Variants in BCAR3 observed in about 807,000 individuals in gnomAD.
BCAR3 encodes breast cancer anti-estrogen resistance protein 3.
BCAR3 carries 37 observed loss-of-function variants against 80.1 expected under a neutral mutation model. The ratio of observed to expected loss-of-function variants is 0.46; its 90% CI spans 0.36 to 0.61. The LOEUF is 0.61. BCAR3 is among the 20% of genes least tolerant of loss of function. The pLI is 0.00. For missense variants in BCAR3, 978 were observed against 1,068.2 expected (o/e 0.92, Z 1.18); for synonymous variants, 389 against 418.9 (o/e 0.93, Z 0.87).
chr1:93,726,107 C>T (rs1650573316), intron 2 of BCAR3, among the ~76,000 whole-genome samples: 2 of 151,894 alleles, frequency 1.3e-5, no homozygotes, highest in African/African-American at 4.8e-5. Context: ...CACTCAGTTG[C>T]CCACGCTGGA....
At chr1:93,810,417 T>C (rs966068851) in intron 2 of BCAR3, among the ~76,000 whole-genome samples, 5 of 152,320 alleles carry the variant, frequency 3.3e-5, no homozygotes, top group African/African-American at 9.6e-5. Context: ...AACGTGGTTA[T>C]GACTGATGAA....
intron 1 of BCAR3, among the ~76,000 whole-genome samples, chr1:93,680,803 T>C (rs986197243): frequency 3.9e-5 from 6 of 152,204 alleles, no homozygotes; most frequent in African/African-American, 9.6e-5. Context: ...CCTTGCCAGA[T>C]GCTTCGGAGT....
At chr1:93,636,362 C>A (rs774689892) in intron 3 of BCAR3, among the ~76,000 whole-genome samples, 4 of 152,110 alleles carry the variant, frequency 2.6e-5, no homozygotes, top group Non-Finnish European at 4.4e-5. Flanking sequence ...TAACAAGAAC[C>A]CACCAAGGCT....
chr1:93,566,551 G>A (rs370986833), intron 11 of BCAR3, among the ~76,000 whole-genome samples: 4 of 152,072 alleles, frequency 2.6e-5, no homozygotes, highest in South Asian at 2.1e-4. Context: ...ATCCGTTTAC[G>A]CAACACTGCC....
chr1:93,580,535 T>C (rs1424101464), intron 7 of BCAR3, among the ~76,000 whole-genome samples: 1 of 150,504 alleles, frequency 6.6e-6, no homozygotes, highest in Non-Finnish European at 1.5e-5. Flanking sequence ...AAAAGCTGCA[T>C]TGGTATGAAA....
intron 2 of BCAR3, among the ~76,000 whole-genome samples, chr1:93,728,460 C>CA (rs966004866): frequency 6.6e-6 from 1 of 152,232 alleles, no homozygotes; most frequent in Non-Finnish European, 1.5e-5. Context: ...TACCCTGTTG[C>CA]AAGGACAGAG....
Position 93,562,292 on chromosome 1 carries a change from A to G in BCAR3, c.2427T>C (p.Thr809=), listed in dbSNP as rs1262946063. ...GAGGTTCCAATTTACGCGAGAGGGC[A>G]GTTAAAATCTGGTTGAATTTCTCAT... ...ERYEKFNQIL[T]ALSRKLEPPP... Residue 809 remains threonine, a synonymous_variant, in exon 12 of 12, where the codon ACT becomes ACC. Transcript: ENST00000260502. 6.2e-7 allele frequency: 1 copy of G among 1,614,144 alleles called. No homozygotes were observed. The highest frequency in any genetic ancestry group is 8.5e-7 in the Non-Finnish European group (1 of 1,179,990).
At chr1:93,834,450 C>T (rs1227866704) in intron 2 of BCAR3, among the ~76,000 whole-genome samples, 1 of 152,138 alleles carries the variant, frequency 6.6e-6, no homozygotes, top group Non-Finnish European at 1.5e-5. Flanking sequence ...TCCTTAAAAA[C>T]AGCCCTAAAA....
At chr1:93,738,193 A>G (rs1000560213) in intron 2 of BCAR3, among the ~76,000 whole-genome samples, 6 of 152,204 alleles carry the variant, frequency 3.9e-5, no homozygotes, top group Admixed American at 6.5e-5. Context: ...ACCAATAGTA[A>G]GGTGGTGGAA....
At chr1:93,613,690 C>T (rs1675021131) in intron 3 of BCAR3, among the ~76,000 whole-genome samples, 1 of 152,174 alleles carries the variant, frequency 6.6e-6, no homozygotes, top group African/African-American at 2.4e-5. Flanking sequence ...GGGAGGTACA[C>T]CACTAGGGGC....
intron 2 of BCAR3, among the ~76,000 whole-genome samples, chr1:93,671,468 G>A (rs1389482035): frequency 2.0e-5 from 3 of 152,128 alleles, no homozygotes; most frequent in African/African-American, 4.8e-5. Flanking sequence ...GCCAATACCC[G>A]TCAGGCCAAT....
intron 2 of BCAR3, among the ~76,000 whole-genome samples, chr1:93,821,759 T>C (rs1239525886): frequency 6.6e-6 from 1 of 152,212 alleles, no homozygotes; most frequent in Non-Finnish European, 1.5e-5. Context: ...GCATACCTTA[T>C]AATCATCACA....
At chr1:93,587,581 C>T (rs1311586334) in intron 5 of BCAR3, among the ~76,000 whole-genome samples, 8 of 152,038 alleles carry the variant, frequency 5.3e-5, no homozygotes, top group Non-Finnish European at 1.2e-4. Flanking sequence ...TAGCATGTGC[C>T]GGAGCCTCCA....
intron 2 of BCAR3, among the ~76,000 whole-genome samples, chr1:93,724,302 G>T (rs1650505567): frequency 1.3e-5 from 2 of 152,202 alleles, no homozygotes. Flanking sequence ...CAGTCCCATT[G>T]TGAATGGACT....
intron 5 of BCAR3, among the ~76,000 whole-genome samples, chr1:93,584,664 C>G (rs236318): frequency 0.78 from 119,421 of 152,246 alleles, 47,445 homozygotes; most frequent in African/African-American, 0.91. Flanking sequence ...TGGCTGCTCT[C>G]GGGGGACCCC....
intron 3 of BCAR3, chr1:93,614,004 C>T (rs1382788916): frequency 1.3e-6 from 2 of 1,535,394 alleles, no homozygotes; most frequent in Non-Finnish European, 1.8e-6. Context: ...ACGTTAAAGC[C>T]CTAGCCCACC....
chr1:93,696,366 C>G (rs1355770277), intron 3 of BCAR3, among the ~76,000 whole-genome samples: 4 of 152,150 alleles, frequency 2.6e-5, no homozygotes, highest in Non-Finnish European at 5.9e-5. Flanking sequence ...CCCTGGGAAC[C>G]ACCCTGGGTC....
chr1:93,575,228 A>G (rs1208040325), intron 8 of BCAR3, among the ~76,000 whole-genome samples: 1 of 152,222 alleles, frequency 6.6e-6, no homozygotes, highest in East Asian at 1.9e-4. Context: ...CTGGAACTTC[A>G]TGGAAAGCCA....
At chr1:93,598,235 C>A (rs902531603) in intron 3 of BCAR3, among the ~76,000 whole-genome samples, 1 of 152,120 alleles carries the variant, frequency 6.6e-6, no homozygotes, top group Non-Finnish European at 1.5e-5. Flanking sequence ...ACAGGAGATT[C>A]GAGTTCTGAA....
Sources: allele counts gnomAD v4.1 joint callset (sites outside exome capture counted in the v4.1 genomes callset), GRCh38; gene constraint gnomAD v4.1.1; transcripts MANE v1.5; gene names NCBI Gene and HGNC (gene_info 2026-07-23, HGNC 2026-07-21).